The following LRP2BP variants were observed in gnomAD, a reference collection of about 807,000 sequenced individuals.
LRP2BP encodes the protein LRP2-binding protein.
A neutral mutation model predicts 45.2 loss-of-function variants in LRP2BP; 38 were observed. That is an observed-to-expected ratio of 0.84 (90% confidence interval 0.65 to 1.10). The LOEUF (loss-of-function observed/expected upper bound fraction) is 1.10. LRP2BP is among the 50% of genes least tolerant of loss of function. LRP2BP has a pLI of 0.00. For missense variants in LRP2BP, 385 were observed against 418.9 expected (o/e 0.92, Z 0.71); for synonymous variants, 153 against 153.9 (o/e 0.99, Z 0.04).
intron 2 of LRP2BP, 166 bp from the exon 3 acceptor site, chr4:185,377,184 A>T: frequency 1.6e-6 from 1 of 613,140 alleles, no homozygotes; most frequent in Admixed American, 2.7e-5. Flanking sequence ...TACCTGAAAA[A>T]ACGTCATGGT....
At position 185,366,049 on chromosome 4, in the gene LRP2BP, G is replaced by C. The variant is rs1199971409; in HGVS notation, c.*1131C>G. ...TTAAATCCACTGTTGGGATGGTTGTGATTTATAAAATAAAGCCACATCCTT... is the reference window on the plus strand; with the variant it reads ...TTAAATCCACTGTTGGGATGGTTGTCATTTATAAAATAAAGCCACATCCTT... On this transcript the variant is annotated 3_prime_UTR_variant, in exon 9 of 9. Coordinates refer to ENST00000505916, the MANE Select transcript of LRP2BP (RefSeq NM_001377440.1). The C allele has an allele frequency of 6.6e-6, 1 of 152,180 alleles. No homozygotes were observed. The allele number at this position is 152,180 out of a possible 1,614,324, so 9.4% of individuals were successfully genotyped here.
intron 1 of LRP2BP, among the ~76,000 whole-genome samples, chr4:185,386,238 G>A (rs1352751516): frequency 6.6e-6 from 1 of 152,196 alleles, no homozygotes; most frequent in Non-Finnish European, 1.5e-5. Context: ...AATCCAAAGG[G>A]ATCAGCTTAA....
intron 3 of LRP2BP, 82 bp downstream of exon 3, chr4:185,376,823 CAGTA>C: frequency 1.1e-6 from 1 of 880,360 alleles, no homozygotes; most frequent in Non-Finnish European, 1.8e-6. Flanking sequence ...TAGTATAACA[CAGTA>C]AGAAACTCTA....
upstream of LRP2BP, chr4:185,396,803 C>T (rs1263460505): frequency 1.8e-6 from 2 of 1,118,392 alleles, no homozygotes; most frequent in Non-Finnish European, 2.7e-6. Context: ...CCCGGAAGTC[C>T]CAGCGGTCTT....
intron 1 of LRP2BP, among the ~76,000 whole-genome samples, chr4:185,392,754 G>A (rs893946400): frequency 1.3e-5 from 2 of 152,042 alleles, no homozygotes; most frequent in Admixed American, 6.6e-5. Context: ...TTAAAATATC[G>A]TTACTTCTAA....
rs1023556946 is a variant in LRP2BP at position 185,364,545 on chromosome 4, A to G, written c.*2635T>C. ...TAGGATGTAACCTATGCCAGTTTATATACGTATGATATACATATCATACCT... is the reference window on the plus strand; with the variant it reads ...TAGGATGTAACCTATGCCAGTTTATGTACGTATGATATACATATCATACCT... On this transcript the variant is annotated 3_prime_UTR_variant, in exon 9 of 9. Transcript: ENST00000505916. 3.3e-5 allele frequency: 5 copies of G among 152,244 alleles called. No individual in the cohort carries two copies. Among genetic ancestry groups the G allele is most frequent in the African/African-American group, 9.6e-5 (4 of 41,470 alleles). The allele number at this position is 152,244 out of a possible 1,614,324, so 9.4% of individuals were successfully genotyped here.
rs531590569 is a variant in LRP2BP at position 185,385,908 on chromosome 4, G to C, written c.-21-7701C>G. Among the ~76,000 whole-genome samples, 38 of 72,470 alleles carry C rather than the reference G, an allele frequency of 5.2e-4. 1 individual carries two copies. The highest frequency in any genetic ancestry group is 4.5e-3 in the South Asian group (8 of 1,788). 47.5% of individuals were successfully genotyped at this position (72,470 alleles called of 152,430 possible). On this transcript the variant is annotated intron_variant, in intron 1 of 8. Transcript: ENST00000505916. ...AGAGCAAGACTCTGTCTCGGGGAGG[G>C]GGGGGGGGAGATAAAGAAATAACAT...
intron 8 of LRP2BP, 128 bp downstream of exon 8, chr4:185,370,512 T>C: frequency 1.1e-6 from 1 of 892,130 alleles, no homozygotes; most frequent in Non-Finnish European, 1.7e-6. Flanking sequence ...TGACAGCTTC[T>C]CTGTAGACAG....
upstream of LRP2BP, chr4:185,396,919 G>T (rs371815282): frequency 6.8e-6 from 11 of 1,613,472 alleles, no homozygotes; most frequent in African/African-American, 4.0e-5. Context: ...TGCCTTAGGC[G>T]GGAAATGCTG....
chr4:185,383,598 A>G (rs891313055), intron 1 of LRP2BP, among the ~76,000 whole-genome samples: 4 of 152,240 alleles, frequency 2.6e-5, no homozygotes, highest in African/African-American at 4.8e-5. Flanking sequence ...TTACAAGGGC[A>G]TACTGGCAAG....
chr4:185,393,221 G>C (rs571756031), intron 1 of LRP2BP, among the ~76,000 whole-genome samples: 89 of 152,112 alleles, frequency 5.9e-4, no homozygotes, highest in African/African-American at 2.1e-3. Flanking sequence ...GTGAGCCACT[G>C]CATCTGGTGA....
At chr4:185,394,739 A>T (rs2095497315) in intron 1 of LRP2BP, 40 bp downstream of exon 1, 1 of 985,068 alleles carries the variant, frequency 1.0e-6, no homozygotes, top group African/African-American at 1.7e-5. Context: ...TTACTACTCA[A>T]GATTCAGCCC....
chr4:185,367,117 C>A lies in LRP2BP; in HGVS notation c.*63G>T. Reference sequence around the variant, plus strand: ...TGTGCAAAATAACCAAACATAGCTACTGTAAAAATACACACATTGTGAGGT... The same window carrying A: ...TGTGCAAAATAACCAAACATAGCTAATGTAAAAATACACACATTGTGAGGT... On this transcript the variant is annotated 3_prime_UTR_variant, in exon 9 of 9. Coordinates refer to ENST00000505916, the MANE Select transcript of LRP2BP (RefSeq NM_001377440.1). The A allele has an allele frequency of 7.4e-7, 1 of 1,350,406 alleles. No individual in the cohort carries two copies. 83.7% of individuals were successfully genotyped at this position (1,350,406 alleles called of 1,614,324 possible). A position where few individuals can be genotyped will look rare whatever the true frequency, so the allele number is the denominator to read the frequency against.
intron 1 of LRP2BP, chr4:185,378,510 CAA>C (rs1428173880): frequency 1.0e-5 from 11 of 1,073,482 alleles, no homozygotes; most frequent in Non-Finnish European, 1.2e-5. Context: ...TCACCCAGCA[CAA>C]GTGTTGCCAC....
upstream of LRP2BP, chr4:185,397,260 T>G (rs116240990): frequency 3.3e-3 from 5,361 of 1,614,116 alleles, 13 homozygotes; most frequent in Middle Eastern, 0.011. Flanking sequence ...TTGCTTGCTT[T>G]CTTCTCTGGC....
rs79456676 is a variant in LRP2BP at position 185,380,170 on chromosome 4, G to T, written c.-21-1963C>A. ...TGATGGATTTACTGGGTATTTATTGGATTGACTAGATATTTATTATGTTTT... is the reference window on the plus strand; with the variant it reads ...TGATGGATTTACTGGGTATTTATTGTATTGACTAGATATTTATTATGTTTT... On this transcript the variant is annotated intron_variant, in intron 1 of 8. Coordinates refer to ENST00000505916, the MANE Select transcript of LRP2BP (RefSeq NM_001377440.1). Among the ~76,000 whole-genome samples, 7 of 151,846 alleles carry T rather than the reference G, an allele frequency of 4.6e-5. No individual in the cohort carries two copies. In the East Asian group the frequency reaches 1.2e-3, roughly 25 times the overall value.
chr4:185,377,325 C>T, intron 2 of LRP2BP: 2 of 265,752 alleles, frequency 7.5e-6, no homozygotes, highest in South Asian at 1.2e-4. Flanking sequence ...TCAAGACTAG[C>T]CTGACCAACA....
rs1318210532 is a variant in LRP2BP at position 185,395,167 on chromosome 4, A to T, written c.-410T>A. 1.0e-6 allele frequency: 1 copy of T among 985,318 alleles called. No individual in the cohort carries two copies. The allele number at this position is 985,318 out of a possible 1,614,324, so 61.0% of individuals were successfully genotyped here. A position where few individuals can be genotyped will look rare whatever the true frequency, so the allele number is the denominator to read the frequency against. On this transcript the variant is annotated 5_prime_UTR_variant, in exon 1 of 9. It adds an upstream start codon to the 5' untranslated region. Coordinates refer to ENST00000505916, the MANE Select transcript of LRP2BP (RefSeq NM_001377440.1). ...GGAGAAAAGCTGTAACGACTCCCCA[A>T]ATTTCCTTTCCTTATGAAATTTACG...
chr4:185,372,789 G>GT, intron 7 of LRP2BP, 67 bp downstream of exon 7: 1 of 1,342,584 alleles, frequency 7.4e-7, no homozygotes, highest in African/African-American at 1.4e-5. Flanking sequence ...ATAAATTTCT[G>GT]TTTCTCATAA....
Sources: gnomAD v4.1 joint callset for allele counts (sites outside exome capture counted in the v4.1 genomes callset) on GRCh38, gnomAD v4.1.1 for gene constraint, MANE v1.5 for transcripts, NCBI Gene and HGNC (gene_info 2026-07-23, HGNC 2026-07-21) for gene names.